The following ZC3HAV1 variants were observed in gnomAD, a reference collection of about 807,000 sequenced individuals.
ZC3HAV1 encodes zinc finger CCCH-type antiviral protein 1.
A neutral mutation model predicts 86.6 loss-of-function variants in ZC3HAV1; 41 were observed. The ratio of observed to expected loss-of-function variants is 0.47; its 90% CI spans 0.37 to 0.61. ZC3HAV1 has a LOEUF of 0.61. Ranked by LOEUF, ZC3HAV1 falls within the 20% of genes least tolerant of loss-of-function variation. The probability of loss-of-function intolerance (pLI) is 0.00; values close to 1 mark genes in which losing one functional copy is unlikely to be tolerated. For synonymous variants in ZC3HAV1, 421 were observed against 432.1 expected (o/e 0.97, Z 0.32); for missense variants, 964 against 1,141.1 (o/e 0.84, Z 2.24).
chr7:139,087,310 G>C (rs576923063), intron 2 of ZC3HAV1, among the ~76,000 whole-genome samples: 1 of 152,234 alleles, frequency 6.6e-6, no homozygotes, highest in East Asian at 1.9e-4. Context: ...TAGGCCAAGG[G>C]CCATAGATAT....
intron 1 of ZC3HAV1, among the ~76,000 whole-genome samples, chr7:139,099,906 G>A (rs1450012003): frequency 7.5e-6 from 1 of 133,500 alleles, no homozygotes; most frequent in Non-Finnish European, 1.6e-5. Context: ...TAGCCTGGGT[G>A]ACAGAACAAA....
intron 9 of ZC3HAV1, among the ~76,000 whole-genome samples, chr7:139,058,107 T>C (rs985549643): frequency 1.3e-5 from 2 of 151,926 alleles, no homozygotes; most frequent in Non-Finnish European, 2.9e-5. Flanking sequence ...GTGTGTCTCC[T>C]TGGGCTAGTG....
At chr7:139,099,527 C>A (rs1296271570) in intron 1 of ZC3HAV1, among the ~76,000 whole-genome samples, 1 of 152,124 alleles carries the variant, frequency 6.6e-6, no homozygotes, top group Admixed American at 6.6e-5. Context: ...TCGCCAGGGG[C>A]TGAGGAAAGG....
intron 12 of ZC3HAV1, among the ~76,000 whole-genome samples, chr7:139,051,378 T>C (rs1046816144): frequency 1.3e-4 from 20 of 151,772 alleles, no homozygotes; most frequent in Non-Finnish European, 2.9e-4. Flanking sequence ...TTTTTCTCTA[T>C]AGCAGCCCAA....
Position 139,108,688 on chromosome 7 carries a change from C to T in ZC3HAV1, c.308+336G>A, listed in dbSNP as rs891457798. The stretch of plus-strand genomic sequence containing the variant: ...TCCTTCCCAAACCTGCCTACCGCTT[C>T]TCTAGGCCCTGGCTGGCTCCAGAGC... On this transcript the variant is annotated intron_variant, in intron 1 of 12. Coordinates refer to ENST00000242351, the MANE Select transcript of ZC3HAV1 (RefSeq NM_020119.4). This position sits in a 1 kb window ranked among gnomAD's most constrained non-coding sequence, Gnocchi z 4.2. 2.0e-5 allele frequency among the ~76,000 whole-genome samples: 3 copies of T among 152,222 alleles called. No individual in the cohort carries two copies. Among genetic ancestry groups the T allele is most frequent in the African/African-American group, 7.2e-5 (3 of 41,456 alleles).
chr7:139,062,320 A>C (rs1167524921), intron 8 of ZC3HAV1, among the ~76,000 whole-genome samples: 4 of 152,154 alleles, frequency 2.6e-5, no homozygotes, highest in Non-Finnish European at 5.9e-5. Flanking sequence ...AAAATATCCA[A>C]GTTTCTATCA....
chr7:139,078,522 A>C (rs1169977450), intron 5 of ZC3HAV1, 30 bp downstream of exon 5: 1 of 1,529,608 alleles, frequency 6.5e-7, no homozygotes, highest in African/African-American at 1.4e-5. Context: ...AAAAGGTGGA[A>C]GCTTACAGAA....
In ZC3HAV1 at chr7:139,080,247, A is replaced by C. The variant is rs201331414; in HGVS notation, c.698-4T>G. 2.3e-4 allele frequency: 374 copies of C among 1,612,958 alleles called. 2 individuals are homozygous for C. The highest frequency in any genetic ancestry group is 1.9e-3 in the Admixed American group (111 of 59,968). Reference sequence around the variant, plus strand: ...TTTCTACGATGTGAAGAAGGAGCTAAGGGGAAAAAAAGCCAAAATGAAACA... The same window carrying C: ...TTTCTACGATGTGAAGAAGGAGCTACGGGGAAAAAAAGCCAAAATGAAACA... On this transcript the variant is annotated splice_region_variant and splice_polypyrimidine_tract_variant and intron_variant, in intron 3 of 12. Coordinates refer to ENST00000242351, the MANE Select transcript of ZC3HAV1 (RefSeq NM_020119.4).
chr7:139,082,066 A>G (rs1584860336), intron 3 of ZC3HAV1, among the ~76,000 whole-genome samples: 1 of 152,182 alleles, frequency 6.6e-6, no homozygotes, highest in African/African-American at 2.4e-5. Flanking sequence ...GGAGTTCAAG[A>G]CCAGCCTGGC....
chr7:139,103,986 T>C (rs1269219306), intron 1 of ZC3HAV1, among the ~76,000 whole-genome samples: 1 of 152,152 alleles, frequency 6.6e-6, no homozygotes, highest in Non-Finnish European at 1.5e-5. Context: ...AGCTGCTTCT[T>C]AGGAAAGGGA....
At chr7:139,097,401 C>CATATATAT (rs1183885767) in intron 1 of ZC3HAV1, among the ~76,000 whole-genome samples, 19 of 63,854 alleles carry the variant, frequency 3.0e-4, no homozygotes, top group African/African-American at 9.9e-4. Flanking sequence ...ATTGGAACTC[C>CATATATAT]ATATATATAT....
intron 7 of ZC3HAV1, among the ~76,000 whole-genome samples, chr7:139,071,729 A>T (rs1291332921): frequency 6.6e-6 from 1 of 152,180 alleles, no homozygotes; most frequent in African/African-American, 2.4e-5. Flanking sequence ...GAGAAGAGCA[A>T]CAAGGAGGGG....
intron 3 of ZC3HAV1, among the ~76,000 whole-genome samples, chr7:139,082,501 T>C (rs1817154166): frequency 6.6e-6 from 1 of 152,148 alleles, no homozygotes; most frequent in Non-Finnish European, 1.5e-5. Context: ...TCTGATTATA[T>C]ACCCCCGAGG....
intron 8 of ZC3HAV1, among the ~76,000 whole-genome samples, chr7:139,061,763 C>T (rs984561209): frequency 1.3e-5 from 2 of 152,170 alleles, no homozygotes; most frequent in East Asian, 1.9e-4. Flanking sequence ...AAGATGTGCA[C>T]GTGAATGCTC....
chr7:139,063,566 A>T (rs987059208), intron 8 of ZC3HAV1, among the ~76,000 whole-genome samples: 14 of 151,636 alleles, frequency 9.2e-5, no homozygotes, highest in African/African-American at 2.9e-4. Context: ...GTACAAAAAA[A>T]TTTTTAAATT....
At chr7:139,059,098 G>GTAACGATTT (rs1356959444) in intron 9 of ZC3HAV1, among the ~76,000 whole-genome samples, 1 of 152,150 alleles carries the variant, frequency 6.6e-6, no homozygotes, top group Non-Finnish European at 1.5e-5. Context: ...TGTAACGATT[G>GTAACGATTT]TAACGAATGG....
At chr7:139,069,748 T>C (rs1313089943) in intron 7 of ZC3HAV1, among the ~76,000 whole-genome samples, 1 of 152,200 alleles carries the variant, frequency 6.6e-6, no homozygotes, top group Non-Finnish European at 1.5e-5. Flanking sequence ...AATCAAAGCA[T>C]ATGTGCCTAC....
At chr7:139,063,153 T>G (rs1816499056) in intron 8 of ZC3HAV1, among the ~76,000 whole-genome samples, 1 of 151,310 alleles carries the variant, frequency 6.6e-6, no homozygotes, top group African/African-American at 2.4e-5. Context: ...CAAACAGAAG[T>G]AGCTGGACAA....
In ZC3HAV1 at chr7:139,045,618, T is replaced by C. The variant is rs2130652676; in HGVS notation, c.*1976A>G. 1 of 152,190 alleles carries C rather than the reference T, an allele frequency of 6.6e-6. No individual in the cohort carries two copies. Among genetic ancestry groups the C allele is most frequent in the South Asian group, 2.1e-4 (1 of 4,816 alleles). 9.4% of individuals were successfully genotyped at this position (152,190 alleles called of 1,614,324 possible). ...TGAGCCAATGGGTAGATGGTGATGCTTTTCACTTACATACAGATCCTGAGA... is the reference window on the plus strand; with the variant it reads ...TGAGCCAATGGGTAGATGGTGATGCCTTTCACTTACATACAGATCCTGAGA... On this transcript the variant is annotated 3_prime_UTR_variant, in exon 13 of 13. Coordinates refer to ENST00000242351, the MANE Select transcript of ZC3HAV1 (RefSeq NM_020119.4).
Sources: allele counts gnomAD v4.1 joint callset (sites outside exome capture counted in the v4.1 genomes callset), GRCh38; gene constraint gnomAD v4.1.1; non-coding constraint Gnocchi (gnomAD v3.1); transcripts MANE v1.5; gene names NCBI Gene and HGNC (gene_info 2026-07-23, HGNC 2026-07-21).